Variants in LRMDA observed in about 807,000 individuals in gnomAD.
LRMDA encodes leucine-rich melanocyte differentiation-associated protein.
LRMDA carries 18 observed loss-of-function variants against 29.8 expected under a neutral mutation model. The ratio of observed to expected loss-of-function variants is 0.60; its 90% CI spans 0.42 to 0.90. The LOEUF (loss-of-function observed/expected upper bound fraction) is 0.90. LRMDA is among the 40% of genes least tolerant of loss of function. The pLI, the probability that LRMDA is intolerant of heterozygous loss-of-function variation, is 0.00. For missense variants in LRMDA, 273 were observed against 273.9 expected (o/e 1.00, Z 0.02); for synonymous variants, 125 against 109.4 (o/e 1.14, Z -0.89).
At chr10:76,076,798 G>T (rs1341267576) in intron 5 of LRMDA, among the ~76,000 whole-genome samples, 1 of 152,104 alleles carries the variant, frequency 6.6e-6, no homozygotes, top group East Asian at 1.9e-4. Context: ...GCACAAAATG[G>T]AAATGGCAGC....
intron 2 of LRMDA, among the ~76,000 whole-genome samples, chr10:75,792,907 A>C (rs1291749435): frequency 6.6e-6 from 1 of 152,316 alleles, no homozygotes; most frequent in East Asian, 1.9e-4. Flanking sequence ...GACAGGGTGA[A>C]GTCCTGTGAC....
chr10:75,734,904 T>C (rs1589177535), intron 2 of LRMDA, among the ~76,000 whole-genome samples: 1 of 152,222 alleles, frequency 6.6e-6, no homozygotes, highest in African/African-American at 2.4e-5. Context: ...TTGCTCGATT[T>C]AACACTGCAG....
chr10:75,610,589 G>T (rs1326870275), intron 2 of LRMDA, among the ~76,000 whole-genome samples: 1 of 152,142 alleles, frequency 6.6e-6, no homozygotes, highest in African/African-American at 2.4e-5. Flanking sequence ...GAGAGTCTCT[G>T]TCCAACTCCA....
At chr10:76,444,667 C>T (rs1163298967) in intron 6 of LRMDA, among the ~76,000 whole-genome samples, 1 of 152,112 alleles carries the variant, frequency 6.6e-6, no homozygotes, top group Non-Finnish European at 1.5e-5. Context: ...CTCACCCTAT[C>T]ACACGTTGAC....
intron 2 of LRMDA, among the ~76,000 whole-genome samples, chr10:75,780,773 C>G (rs1843372273): frequency 6.6e-6 from 1 of 152,158 alleles, no homozygotes; most frequent in African/African-American, 2.4e-5. Context: ...GGCTCCCCTT[C>G]CTGGGAGTGT....
chr10:76,158,612 C>A (rs1850587104), intron 5 of LRMDA, among the ~76,000 whole-genome samples: 1 of 152,098 alleles, frequency 6.6e-6, no homozygotes, highest in Non-Finnish European at 1.5e-5. Flanking sequence ...AACAATATTA[C>A]TAAAGATGCA....
intron 2 of LRMDA, among the ~76,000 whole-genome samples, chr10:75,901,582 A>AC (rs767111415): frequency 2.6e-5 from 4 of 152,192 alleles, no homozygotes; most frequent in Non-Finnish European, 5.9e-5. Context: ...TGAAGTATTC[A>AC]TGGGGGGAGA....
At chr10:75,598,092 C>T (rs974344421) in intron 2 of LRMDA, among the ~76,000 whole-genome samples, 1 of 152,108 alleles carries the variant, frequency 6.6e-6, no homozygotes, top group Admixed American at 6.5e-5. Context: ...TTAAATGACA[C>T]GTTGTTAGCA....
intron 5 of LRMDA, among the ~76,000 whole-genome samples, chr10:76,190,611 T>C (rs1368943751): frequency 6.6e-6 from 1 of 152,158 alleles, no homozygotes; most frequent in Non-Finnish European, 1.5e-5. Context: ...GGAATTGCCA[T>C]TGAAAAGTTG....
chr10:75,938,447 G>C (rs1228949367), intron 2 of LRMDA, among the ~76,000 whole-genome samples: 1 of 152,146 alleles, frequency 6.6e-6, no homozygotes, highest in Non-Finnish European at 1.5e-5. Context: ...ATGGGAGAAG[G>C]GATTTGTGCC....
chr10:76,208,276 C>T (rs1851573541), intron 5 of LRMDA, among the ~76,000 whole-genome samples: 1 of 152,070 alleles, frequency 6.6e-6, no homozygotes, highest in South Asian at 2.1e-4. Flanking sequence ...GAGAGCAGGC[C>T]AAGAGAGCTT....
chr10:76,048,928 T>G (rs1848486379), intron 4 of LRMDA, among the ~76,000 whole-genome samples: 1 of 152,174 alleles, frequency 6.6e-6, no homozygotes, highest in South Asian at 2.1e-4. Flanking sequence ...TGGCACCTTT[T>G]TTTTTCTGGA....
At chr10:76,479,283 A>C (rs962247287) in intron 6 of LRMDA, among the ~76,000 whole-genome samples, 4 of 151,842 alleles carry the variant, frequency 2.6e-5, no homozygotes, top group Non-Finnish European at 5.9e-5. Flanking sequence ...AGGAGGTACT[A>C]GGCAATGTGG....
chr10:75,742,971 T>C (rs939541769), intron 2 of LRMDA: 1 of 151,782 alleles, frequency 6.6e-6, no homozygotes, highest in Non-Finnish European at 1.5e-5. Context: ...ACATTTGGAG[T>C]GGGGTCTTGA....
intron 6 of LRMDA, among the ~76,000 whole-genome samples, chr10:76,381,773 CTT>C (rs1001944232): frequency 1.4e-4 from 21 of 152,300 alleles, no homozygotes; most frequent in African/African-American, 4.8e-4. Flanking sequence ...TACCACATGC[CTT>C]ACTACTCAGC....
At chr10:76,089,936 G>A (rs1345312295) in intron 5 of LRMDA, among the ~76,000 whole-genome samples, 1 of 152,184 alleles carries the variant, frequency 6.6e-6, no homozygotes, top group Non-Finnish European at 1.5e-5. Context: ...GTGAGCCAAC[G>A]CCCACGGGTT....
intron 6 of LRMDA, among the ~76,000 whole-genome samples, chr10:76,406,187 G>A (rs1164874658): frequency 6.6e-6 from 1 of 152,190 alleles, no homozygotes; most frequent in Non-Finnish European, 1.5e-5. Context: ...AAGGGTGGCT[G>A]TGCACAAGTC....
intron 2 of LRMDA, among the ~76,000 whole-genome samples, chr10:75,655,554 A>C (rs1841658664): frequency 6.6e-6 from 1 of 152,200 alleles, no homozygotes; most frequent in Admixed American, 6.5e-5. Flanking sequence ...GCCATGCTGT[A>C]GTCTGGGAGA....
At chr10:76,277,433 C>T (rs554226108) in intron 5 of LRMDA, among the ~76,000 whole-genome samples, 1 of 152,154 alleles carries the variant, frequency 6.6e-6, no homozygotes, top group Non-Finnish European at 1.5e-5. Context: ...GGCAGGCTCA[C>T]ATTCAATTAA....
Sources: allele counts gnomAD v4.1 joint callset (sites outside exome capture counted in the v4.1 genomes callset), GRCh38; gene constraint gnomAD v4.1.1; transcripts MANE v1.5; gene names NCBI Gene and HGNC (gene_info 2026-07-23, HGNC 2026-07-21).